The following LMTK2 variants were observed in gnomAD, a reference collection of about 807,000 sequenced individuals.
LMTK2 encodes lemur tail kinase 2, also known as serine/threonine-protein kinase LMTK2.
A neutral mutation model predicts 127.5 loss-of-function variants in LMTK2; 37 were observed. The ratio of observed to expected loss-of-function variants is 0.29; its 90% CI spans 0.22 to 0.38. LMTK2 has a LOEUF of 0.38. Ranked by LOEUF, LMTK2 falls within the 10% of genes least tolerant of loss-of-function variation. LMTK2 has a pLI of 1.00. For synonymous variants in LMTK2, 819 were observed against 810.1 expected (o/e 1.01, Z -0.19); for missense variants, 1,694 against 1,920.3 (o/e 0.88, Z 2.20).
At chr7:98,120,891 A>C (rs373927366) in intron 1 of LMTK2, among the ~76,000 whole-genome samples, 19 of 152,212 alleles carry the variant, frequency 1.2e-4, no homozygotes, top group East Asian at 9.6e-4. Context: ...GGCCTGCCAC[A>C]GCAGTACAAT....
intron 1 of LMTK2, among the ~76,000 whole-genome samples, chr7:98,112,419 C>T (rs1796214177): frequency 1.3e-5 from 2 of 152,192 alleles, no homozygotes; most frequent in Non-Finnish European, 2.9e-5. Flanking sequence ...AAGGTCCAAA[C>T]CTGTGTTGTC....
Position 98,192,899 on chromosome 7 carries a change from G to C in LMTK2, c.2434G>C (p.Glu812Gln). The C allele has an allele frequency of 6.2e-7, 1 of 1,614,134 alleles. No individual in the cohort carries two copies. The highest frequency in any genetic ancestry group is 8.5e-7 in the Non-Finnish European group (1 of 1,180,014). ...GAGCACCTCATTGCAGTCTTCCCCG[G>C]AAGTGCAGGTACCTCCTACCTCCTT... is the stretch of plus-strand genomic sequence containing the variant. ...TLSTSLQSSP[E>Q]VQVPPTSFET... Residue 812 changes from glutamate (E) to glutamine (Q), a missense_variant, in exon 11 of 14, where the codon GAA (glutamate) becomes CAA (glutamine). This residue lies in a region of LMTK2 where 527 missense variants were observed against 539.8 expected (regional missense o/e 0.98). Coordinates refer to ENST00000297293, the MANE Select transcript of LMTK2 (RefSeq NM_014916.4).
chr7:98,113,598 A>G (rs1796235262), intron 1 of LMTK2, among the ~76,000 whole-genome samples: 1 of 152,162 alleles, frequency 6.6e-6, no homozygotes, highest in South Asian at 2.1e-4. Context: ...ATAGTCGACT[A>G]GCAGTGCTTT....
chr7:98,114,972 T>G (rs993814252), intron 1 of LMTK2, among the ~76,000 whole-genome samples: 11 of 152,160 alleles, frequency 7.2e-5, no homozygotes, highest in African/African-American at 2.7e-4. Flanking sequence ...AGCAAGATGT[T>G]TCATGGGGTG....
intron 1 of LMTK2, among the ~76,000 whole-genome samples, chr7:98,133,453 A>G (rs1327539663): frequency 6.8e-6 from 1 of 148,048 alleles, no homozygotes; most frequent in African/African-American, 2.5e-5. Flanking sequence ...CTCACCTTCC[A>G]GCCTATGTTT....
chr7:98,151,591 C>G (rs1167462768), intron 4 of LMTK2, 136 bp downstream of exon 4: 4 of 658,172 alleles, frequency 6.1e-6, no homozygotes. Flanking sequence ...CCCCATTCCC[C>G]CTGTGGCAGC....
chr7:98,192,854 A>T lies in LMTK2; in HGVS notation c.2389A>T (p.Met797Leu). 6.2e-7 allele frequency: 1 copy of T among 1,614,096 alleles called. No homozygotes were observed. Among genetic ancestry groups the T allele is most frequent in the South Asian group, 1.1e-5 (1 of 91,082 alleles). ...VSTKGDDTDV[M>L]LTGDTLSTSL... The stretch of plus-strand genomic sequence containing the variant: ...CACAAAGGGTGACGATACAGATGTC[A>T]TGCTCACAGGTGACACTTTGAGCAC... Residue 797 changes from methionine to leucine, a missense_variant, in exon 11 of 14, where the codon ATG becomes TTG. This residue lies in a region of LMTK2 where 527 missense variants were observed against 539.8 expected (regional missense o/e 0.98). Coordinates refer to ENST00000297293, the MANE Select transcript of LMTK2 (RefSeq NM_014916.4).
At chr7:98,165,324 G>A (rs1797078463) in intron 6 of LMTK2, among the ~76,000 whole-genome samples, 1 of 152,224 alleles carries the variant, frequency 6.6e-6, no homozygotes, top group South Asian at 2.1e-4. Flanking sequence ...TCAGTCTACA[G>A]ATGAGGAAAC....
Position 98,204,064 on chromosome 7 carries a change from C to A in LMTK2, c.4361C>A (p.Pro1454Gln). Residue 1454 changes from proline (P) to glutamine (Q), a missense_variant, in exon 13 of 14, where the codon CCG (proline) becomes CAG (glutamine). Pro to Gln is a moderately conservative substitution (Grantham distance 76). Transcript: ENST00000297293. ...TCCAAGTACTTTTCTCCGCCGCCAC[C>A]GGCCCGGAGCACGGAGCAGAGCTGG... Reference protein sequence around the residue: ...QTSKYFSPPPPARSTEQSWPH... With the variant: ...QTSKYFSPPPQARSTEQSWPH... The A allele has an allele frequency of 6.2e-7, 1 of 1,614,004 alleles. No individual in the cohort carries two copies. The highest frequency in any genetic ancestry group is 8.5e-7 in the Non-Finnish European group (1 of 1,180,046).
At chr7:98,186,705 C>G (rs753299725) in intron 8 of LMTK2, among the ~76,000 whole-genome samples, 172 bp from the exon 9 acceptor site, 6 of 152,204 alleles carry the variant, frequency 3.9e-5, no homozygotes, top group South Asian at 2.1e-4. Flanking sequence ...GAGGCTTCAG[C>G]AAAACTCCTT....
chr7:98,110,743 C>A (rs1317692873), intron 1 of LMTK2, among the ~76,000 whole-genome samples: 1 of 152,126 alleles, frequency 6.6e-6, no homozygotes, highest in African/African-American at 2.4e-5. Context: ...ACAAGGAAAC[C>A]CAGTTCTATT....
At chr7:98,203,838 G>T in intron 12 of LMTK2, 106 bp from the exon 13 acceptor site, 1 of 1,573,502 alleles carries the variant, frequency 6.4e-7, no homozygotes, top group East Asian at 2.2e-5. Flanking sequence ...TCTGCCAGCC[G>T]GGCCGGGCTG....
intron 1 of LMTK2, among the ~76,000 whole-genome samples, chr7:98,121,587 T>C (rs1796361707): frequency 6.6e-6 from 1 of 151,590 alleles, no homozygotes; most frequent in Non-Finnish European, 1.5e-5. Context: ...TGAGCCGAGA[T>C]TGCGCCACTG....
chr7:98,134,158 TTTC>T (rs1354056283), intron 1 of LMTK2, among the ~76,000 whole-genome samples: 1 of 152,204 alleles, frequency 6.6e-6, no homozygotes, highest in Non-Finnish European at 1.5e-5. Flanking sequence ...GGCATATCAG[TTTC>T]TTCATCTGTG....
chr7:98,130,062 GGGGCA>G (rs1382437967), intron 1 of LMTK2, among the ~76,000 whole-genome samples: 1 of 152,148 alleles, frequency 6.6e-6, no homozygotes, highest in Non-Finnish European at 1.5e-5. Flanking sequence ...ATGAATGGTG[GGGGCA>G]GGGGAGCATG....
At chr7:98,144,636 G>T (rs28406510) in intron 3 of LMTK2, among the ~76,000 whole-genome samples, 1 of 151,264 alleles carries the variant, frequency 6.6e-6, no homozygotes, top group East Asian at 1.9e-4. Context: ...TTAATTTTTT[G>T]TTTTTTAAAA....
intron 1 of LMTK2, among the ~76,000 whole-genome samples, chr7:98,125,836 G>T (rs1796435455): frequency 6.6e-6 from 1 of 152,170 alleles, no homozygotes; most frequent in Non-Finnish European, 1.5e-5. Flanking sequence ...AAACTTCATT[G>T]TAGAGGATTT....
In LMTK2 at chr7:98,148,505, AAAT is replaced by A. The variant is rs902606949; in HGVS notation, c.377-2859_377-2857del. Among the ~76,000 whole-genome samples, 167 of 140,912 alleles carry A rather than the reference AAAT, an allele frequency of 1.2e-3. 1 individual carries two copies. The highest frequency in any genetic ancestry group is 1.8e-3 in the African/African-American group (72 of 39,438). 92.4% of individuals were successfully genotyped at this position (140,912 alleles called of 152,430 possible). A position where few individuals can be genotyped will look rare whatever the true frequency, so the allele number is the denominator to read the frequency against. On this transcript the variant is annotated intron_variant, in intron 3 of 13. Coordinates refer to ENST00000297293, the MANE Select transcript of LMTK2 (RefSeq NM_014916.4). ...GAGACTCCGTCTCAAAAAAAAAAAA[AAAT>A]AATAATAATAATAATAAATAAAAAT...
chr7:98,190,599 C>A (rs1383074901), intron 9 of LMTK2, 129 bp from the exon 10 acceptor site: 2 of 897,966 alleles, frequency 2.2e-6, no homozygotes, highest in East Asian at 2.4e-5. Context: ...ACAACAACAA[C>A]AAAGATCCTA....
Sources: gnomAD v4.1 joint callset for allele counts (sites outside exome capture counted in the v4.1 genomes callset) on GRCh38, gnomAD v4.1.1 for gene constraint, gnomAD v4.1.1 regional missense constraint, MANE v1.5 for transcripts, NCBI Gene and HGNC (gene_info 2026-07-23, HGNC 2026-07-21) for gene names.